Variants in CSMD1 observed in about 807,000 individuals in gnomAD.
The protein encoded by CSMD1 is CUB and Sushi multiple domains 1.
Under a neutral mutation model 417.5 loss-of-function variants are expected in CSMD1, and 213 were observed. The observed-to-expected ratio is 0.51, with a 90% confidence interval of 0.46 to 0.57. The LOEUF (loss-of-function observed/expected upper bound fraction) is 0.57, where lower values mean the gene tolerates loss of function less well. Ranked by LOEUF, CSMD1 falls within the 20% of genes least tolerant of loss-of-function variation. The pLI, the probability that CSMD1 is intolerant of heterozygous loss-of-function variation, is 0.00. For missense variants in CSMD1, 6,923 were observed against 4,529.7 expected (o/e 1.53, Z -15.17); for synonymous variants, 2,862 against 1,736.8 (o/e 1.65, Z -16.11).
intron 25 of CSMD1, among the ~76,000 whole-genome samples, chr8:3,288,795 A>G (rs1803338974): frequency 6.8e-6 from 1 of 146,664 alleles, no homozygotes; most frequent in Non-Finnish European, 1.5e-5. Context: ...TCTTTTTTAT[A>G]TAGACTAATT....
At chr8:3,349,946 A>T (rs1808294429) in intron 21 of CSMD1, among the ~76,000 whole-genome samples, 1 of 145,276 alleles carries the variant, frequency 6.9e-6, no homozygotes, top group South Asian at 2.1e-4. Context: ...TATATATTAT[A>T]TGTGTATGTG....
chr8:4,876,279 G>T (rs1362661620), intron 1 of CSMD1, among the ~76,000 whole-genome samples: 1 of 152,020 alleles, frequency 6.6e-6, no homozygotes, highest in Non-Finnish European at 1.5e-5. Flanking sequence ...TTCATATGCT[G>T]CAATCATTGC....
chr8:4,324,629 C>G (rs1563455442), intron 3 of CSMD1, among the ~76,000 whole-genome samples: 1 of 152,306 alleles, frequency 6.6e-6, no homozygotes, highest in South Asian at 2.1e-4. Context: ...ACCTCCCATA[C>G]AGAAGAAAAC....
intron 1 of CSMD1, among the ~76,000 whole-genome samples, chr8:4,678,831 A>G (rs1260698897): frequency 2.0e-5 from 3 of 152,198 alleles, no homozygotes; most frequent in Admixed American, 6.5e-5. Context: ...GGTTTTTGCT[A>G]TCAATGTTTC....
At chr8:4,474,075 A>G (rs550278160) in intron 2 of CSMD1, among the ~76,000 whole-genome samples, 40 of 152,310 alleles carry the variant, frequency 2.6e-4, no homozygotes, top group East Asian at 5.8e-4. Context: ...CGTATAATGT[A>G]TGCAATTACA....
At chr8:3,804,385 C>G (rs759103098) in intron 5 of CSMD1, among the ~76,000 whole-genome samples, 3 of 151,984 alleles carry the variant, frequency 2.0e-5, no homozygotes, top group Non-Finnish European at 4.4e-5. Flanking sequence ...TAACCGGACA[C>G]AAATAAAAAA....
chr8:3,373,559 G>C (rs1810110799), intron 18 of CSMD1: 1 of 152,198 alleles, frequency 6.6e-6, no homozygotes, highest in Non-Finnish European at 1.5e-5. Context: ...GTGAGGAGAT[G>C]AGAGAATGAA....
At chr8:3,089,984 A>G (rs1814820304) in intron 48 of CSMD1, among the ~76,000 whole-genome samples, 1 of 152,216 alleles carries the variant, frequency 6.6e-6, no homozygotes, top group Non-Finnish European at 1.5e-5. Context: ...TGAGCTGACC[A>G]TGTTTCCACA....
At chr8:4,746,598 G>A (rs1054887553) in intron 1 of CSMD1, among the ~76,000 whole-genome samples, 4 of 152,166 alleles carry the variant, frequency 2.6e-5, no homozygotes, top group African/African-American at 9.6e-5. Flanking sequence ...TAGCGAGCAT[G>A]CATTTTGTCC....
At chr8:3,094,834 A>G (rs906643279) in intron 47 of CSMD1, among the ~76,000 whole-genome samples, 1 of 151,182 alleles carries the variant, frequency 6.6e-6, no homozygotes, top group Non-Finnish European at 1.5e-5. Flanking sequence ...AGAGAGAAAG[A>G]GACAGAAAGA....
At position 3,199,787 on chromosome 8, in the gene CSMD1, C is replaced by G; in HGVS notation, c.5121G>C (p.Thr1707=). Residue 1707 remains threonine (T), a synonymous_variant, in exon 33 of 70, where the codon ACG becomes ACC. Coordinates refer to ENST00000635120, the MANE Select transcript of CSMD1 (RefSeq NM_033225.6). ...TGAATCGGAGCAGAATTTGATTTGA[C>G]GTAGCCAAGGGCAATGTTTCCCCTA... ...SHSGETLPLA[T]SNQILLRFSA... The G allele has an allele frequency of 1.3e-6, 2 of 1,578,104 alleles. No homozygotes were observed. The highest frequency in any genetic ancestry group is 2.7e-5 in the African/African-American group (2 of 74,354).
chr8:4,289,260 A>T (rs573381168), intron 3 of CSMD1, among the ~76,000 whole-genome samples: 1 of 152,276 alleles, frequency 6.6e-6, no homozygotes, highest in East Asian at 1.9e-4. Flanking sequence ...TTTTCCCTGG[A>T]AGCCTCTTTA....
chr8:4,029,169 T>G (rs537985139), intron 4 of CSMD1, among the ~76,000 whole-genome samples: 1 of 152,164 alleles, frequency 6.6e-6, no homozygotes, highest in African/African-American at 2.4e-5. Flanking sequence ...GACATAAACA[T>G]TGGCATCAAA....
intron 2 of CSMD1, among the ~76,000 whole-genome samples, chr8:4,512,214 G>A (rs142980016): frequency 2.0e-5 from 3 of 152,048 alleles, no homozygotes; most frequent in Non-Finnish European, 2.9e-5. Context: ...GCAGAGAAAA[G>A]CAATTAACAA....
intron 1 of CSMD1, among the ~76,000 whole-genome samples, chr8:4,835,068 A>C (rs1200625743): frequency 1.3e-5 from 2 of 151,432 alleles, no homozygotes; most frequent in Non-Finnish European, 2.9e-5. Flanking sequence ...AACAAACAAA[A>C]GCGTTTCTTC....
chr8:3,812,331 G>C (rs1365298277), intron 5 of CSMD1, among the ~76,000 whole-genome samples: 1 of 152,142 alleles, frequency 6.6e-6, no homozygotes, highest in Admixed American at 6.5e-5. Context: ...CTCTCAATGA[G>C]TCATGTGAAT....
chr8:4,371,486 A>C (rs950410036), intron 3 of CSMD1, among the ~76,000 whole-genome samples: 2 of 152,198 alleles, frequency 1.3e-5, no homozygotes, highest in Admixed American at 6.5e-5. Flanking sequence ...TAATAAACCT[A>C]AGGCTTCAAT....
At chr8:3,983,786 C>G (rs961657609) in intron 5 of CSMD1, among the ~76,000 whole-genome samples, 9 of 151,956 alleles carry the variant, frequency 5.9e-5, no homozygotes, top group East Asian at 1.9e-4. Context: ...TAGAGCACGT[C>G]GCAGTTCTGA....
At chr8:4,948,182 T>A (rs910007204) in intron 1 of CSMD1, among the ~76,000 whole-genome samples, 1 of 152,080 alleles carries the variant, frequency 6.6e-6, no homozygotes, top group South Asian at 2.1e-4. Context: ...TTTTTACCTC[T>A]CGCTATTGCT....
Sources: gnomAD v4.1 joint callset for allele counts (sites outside exome capture counted in the v4.1 genomes callset) on GRCh38, gnomAD v4.1.1 for gene constraint, MANE v1.5 for transcripts, NCBI Gene and HGNC (gene_info 2026-07-23, HGNC 2026-07-21) for gene names.